CENPW: variants seen among roughly 807,000 people sequenced by gnomAD.
CENPW encodes cancer-up-regulated gene 2 protein.
CENPW carries 3 observed loss-of-function variants against 11.1 expected under a neutral mutation model. The observed-to-expected ratio is 0.27, with a 90% CI of 0.12 to 0.70. The LOEUF (loss-of-function observed/expected upper bound fraction) is 0.70, where lower values mean the gene tolerates loss of function less well. Among genes scored for constraint, CENPW ranks in the 30% least tolerant of loss-of-function variants. The probability of loss-of-function intolerance (pLI) is 0.77; values close to 1 mark genes in which losing one functional copy is unlikely to be tolerated. For synonymous variants in CENPW, 38 were observed against 42.0 expected, an observed-to-expected ratio of 0.91 and a Z score of 0.37; for missense variants, 100 against 105.6, an observed-to-expected ratio of 0.95 and a Z score of 0.23.
At chr6:126,473,801 T>TGCACAGCATAGATATATAGAATATATAC in the CENPW span, among the ~76,000 whole-genome samples, 1 of 150,310 alleles carries the variant, frequency 6.7e-6, no homozygotes, top group Non-Finnish European at 1.5e-5. Flanking sequence ...AGAATATATA[T>TGCACAGCATAGATATATAGAATATATAC]GCACAGCATA....
chr6:126,411,455 G>C, the CENPW span, among the ~76,000 whole-genome samples: 1 of 152,156 alleles, frequency 6.6e-6, no homozygotes, highest in Non-Finnish European at 1.5e-5. Flanking sequence ...TGAGTTTCAT[G>C]TACAGATGCT....
the CENPW span, among the ~76,000 whole-genome samples, chr6:126,370,174 C>CT: frequency 6.6e-6 from 1 of 152,116 alleles, no homozygotes; most frequent in Non-Finnish European, 1.5e-5. Flanking sequence ...CAACAATGGC[C>CT]TTATAGTATA....
the CENPW span, among the ~76,000 whole-genome samples, chr6:126,462,847 C>T: frequency 6.6e-6 from 1 of 151,964 alleles, no homozygotes; most frequent in Non-Finnish European, 1.5e-5. Context: ...GCTGGATTAA[C>T]TGGCTGATGT....
At position 126,340,151 on chromosome 6, in the gene CENPW, G is replaced by T. The variant is rs1359088780; in HGVS notation, c.-123G>T. ...GGCGGATTCGAACGTTCGGACTGAG[G>T]TTTTTCTGCCTGAAGAAGCGTCATA... On this transcript the variant is annotated 5_prime_UTR_variant, in exon 1 of 3. Transcript: ENST00000368328. 5 of 929,182 alleles carry T rather than the reference G, an allele frequency of 5.4e-6. No individual in the cohort carries two copies. In the African/African-American group the frequency reaches 8.2e-5, roughly 15 times the overall value. The allele number at this position is 929,182 out of a possible 1,614,324, so 57.6% of individuals were successfully genotyped here.
chr6:126,361,361 G>A, the CENPW span, among the ~76,000 whole-genome samples: 1 of 151,788 alleles, frequency 6.6e-6, no homozygotes, highest in East Asian at 1.9e-4. Context: ...GTGCAGTGGC[G>A]CAGTCCCGGC....
chr6:126,467,253 C>T, the CENPW span, among the ~76,000 whole-genome samples: 1 of 152,118 alleles, frequency 6.6e-6, no homozygotes, highest in South Asian at 2.1e-4. Flanking sequence ...TACTACAGGG[C>T]TAGAGTAACC....
chr6:126,360,499 A>G, the CENPW span, among the ~76,000 whole-genome samples: 1 of 152,056 alleles, frequency 6.6e-6, no homozygotes, highest in South Asian at 2.1e-4. Context: ...AATTTTTGTG[A>G]TATGTAACCT....
At chr6:126,358,681 GTC>G in the CENPW span, among the ~76,000 whole-genome samples, 1 of 152,038 alleles carries the variant, frequency 6.6e-6, no homozygotes, top group African/African-American at 2.4e-5. Context: ...TTTTCATTGT[GTC>G]TCTGCTAGAT....
the CENPW span, among the ~76,000 whole-genome samples, chr6:126,454,626 A>T: frequency 4.4e-4 from 66 of 151,258 alleles, 1 homozygote; most frequent in Non-Finnish European, 1.5e-4. Context: ...AGTTAGAAAG[A>T]TCTCTAATTA....
At chr6:126,394,924 C>T in the CENPW span, among the ~76,000 whole-genome samples, 6 of 151,890 alleles carry the variant, frequency 4.0e-5, no homozygotes, top group Non-Finnish European at 7.4e-5. Context: ...TGTCTGCTGC[C>T]GGACGTATTG....
chr6:126,443,794 C>A, the CENPW span, among the ~76,000 whole-genome samples: 1 of 150,972 alleles, frequency 6.6e-6, no homozygotes, highest in African/African-American at 2.4e-5. Context: ...ATATGTGATC[C>A]TTATTGCCCA....
At chr6:126,367,633 G>A in the CENPW span, among the ~76,000 whole-genome samples, 29 of 152,288 alleles carry the variant, frequency 1.9e-4, no homozygotes, top group South Asian at 6.0e-3. Context: ...AATGGTGGGA[G>A]TCTTGAAACA....
chr6:126,471,464 C>T, the CENPW span, among the ~76,000 whole-genome samples: 1 of 152,100 alleles, frequency 6.6e-6, no homozygotes, highest in Admixed American at 6.6e-5. Flanking sequence ...AAAATAAATA[C>T]ACTATGTATC....
At chr6:126,381,741 C>T in the CENPW span, among the ~76,000 whole-genome samples, 1 of 152,200 alleles carries the variant, frequency 6.6e-6, no homozygotes, top group South Asian at 2.1e-4. Context: ...TGGCACCGCC[C>T]ATCATAGTGT....
At chr6:126,451,164 A>G in the CENPW span, among the ~76,000 whole-genome samples, 1 of 151,080 alleles carries the variant, frequency 6.6e-6, no homozygotes, top group Non-Finnish European at 1.5e-5. Context: ...AAATTTTTCT[A>G]CATCTTTATT....
At chr6:126,392,765 A>G in the CENPW span, among the ~76,000 whole-genome samples, 1 of 151,544 alleles carries the variant, frequency 6.6e-6, no homozygotes, top group Non-Finnish European at 1.5e-5. Context: ...TCTTTTTCTC[A>G]TGTGTCTTGG....
intron 1 of CENPW, among the ~76,000 whole-genome samples, chr6:126,341,660 A>G (rs1780313712): frequency 6.6e-6 from 1 of 152,220 alleles, no homozygotes; most frequent in Non-Finnish European, 1.5e-5. Context: ...CTGGTGATAG[A>G]GGTGGCACAA....
At chr6:126,399,937 TG>T in the CENPW span, among the ~76,000 whole-genome samples, 3 of 152,104 alleles carry the variant, frequency 2.0e-5, no homozygotes, top group Non-Finnish European at 4.4e-5. Context: ...TTATCTAGTT[TG>T]TTTAGCCACC....
At chr6:126,464,860 G>C in the CENPW span, among the ~76,000 whole-genome samples, 4 of 152,094 alleles carry the variant, frequency 2.6e-5, no homozygotes, top group Non-Finnish European at 5.9e-5. Context: ...TATCCCTGTA[G>C]AGAACCCTGA....
Sources: gnomAD v4.1 joint callset for allele counts (sites outside exome capture counted in the v4.1 genomes callset) on GRCh38, gnomAD v4.1.1 for gene constraint, MANE v1.5 for transcripts, NCBI Gene and HGNC (gene_info 2026-07-23, HGNC 2026-07-21) for gene names.